The following CGN variants were observed in gnomAD, a reference collection of about 807,000 sequenced individuals.
CGN encodes the protein cingulin.
CGN carries 121 observed loss-of-function variants against 157.1 expected under a neutral mutation model. The observed-to-expected ratio is 0.77, with a 90% CI of 0.66 to 0.90. The LOEUF is 0.90. CGN is among the 40% of genes least tolerant of loss of function. CGN has a pLI of 0.00. For missense variants in CGN, 1,424 were observed against 1,520.9 expected (o/e 0.94, Z 1.06); for synonymous variants, 535 against 607.5 (o/e 0.88, Z 1.76).
rs764422171 is a variant in CGN, at chr1:151,530,012, G to A, written c.2210G>A (p.Arg737Gln). 17 of 1,614,166 alleles carry A rather than the reference G, an allele frequency of 1.1e-5. No individual in the cohort carries two copies. In the Admixed American group the frequency reaches 1.5e-4, roughly 14 times the overall value. Residue 737 changes from arginine (R) to glutamine (Q), a missense_variant, in exon 12 of 21, where the codon CGG becomes CAG. By Grantham distance (43) the Arg-to-Gln change is conservative (BLOSUM62 1). Transcript: ENST00000271636. The stretch of plus-strand genomic sequence containing the variant: ...CAGGAGGAAAATGACGAATTCCGCC[G>A]GCGCATCCTGGGTTTGGAGCAGCAG... ...ETQEENDEFRRRILGLEQQLK... is the reference protein window; with the variant it reads ...ETQEENDEFRQRILGLEQQLK...
chr1:151,513,138 G>C (rs1247041501), intron 1 of CGN, among the ~76,000 whole-genome samples: 3 of 152,190 alleles, frequency 2.0e-5, no homozygotes, highest in Non-Finnish European at 2.9e-5. Context: ...TCAGAGCTTT[G>C]GCTTTGCCAT....
chr1:151,517,508 G>GTTT (rs560006460), intron 1 of CGN, among the ~76,000 whole-genome samples: 1 of 130,750 alleles, frequency 7.6e-6, no homozygotes, highest in Non-Finnish European at 1.7e-5. Context: ...GGCACACAGT[G>GTTT]TTTTTTTTTT....
chr1:151,510,188 C>T (rs1371420210), upstream of CGN, among the ~76,000 whole-genome samples: 1 of 151,730 alleles, frequency 6.6e-6, no homozygotes, highest in African/African-American at 2.4e-5. Flanking sequence ...AGCTGAGGAG[C>T]TGGTAAGTGG....
chr1:151,517,505 A>G (rs1369524820), intron 1 of CGN, among the ~76,000 whole-genome samples: 4 of 146,296 alleles, frequency 2.7e-5, no homozygotes, highest in Admixed American at 2.0e-4. Context: ...GAAGGCACAC[A>G]GTGTTTTTTT....
At chr1:151,534,782 A>G (rs575818530) in intron 15 of CGN, 21 of 442,112 alleles carry the variant, frequency 4.7e-5, no homozygotes, top group African/African-American at 3.8e-4. Flanking sequence ...AGGTTTTCCA[A>G]TGAAGAGTAG....
At chr1:151,535,723 G>A (rs771692961) in intron 17 of CGN, 40 bp downstream of exon 17, 2 of 1,607,842 alleles carry the variant, frequency 1.2e-6, no homozygotes, top group Non-Finnish European at 8.5e-7. Context: ...TGGACCCCAG[G>A]AGGTGAGTAA....
chr1:151,520,837 C>T (rs1664529854), intron 5 of CGN, 146 bp downstream of exon 5: 1 of 695,400 alleles, frequency 1.4e-6, no homozygotes, highest in African/African-American at 1.8e-5. Flanking sequence ...GTACTAATTC[C>T]AGGAAGGACT....
intron 15 of CGN, chr1:151,534,823 C>T (rs1414715490): frequency 5.8e-6 from 3 of 515,456 alleles, no homozygotes; most frequent in African/African-American, 3.8e-5. Flanking sequence ...GTCAAAGGGC[C>T]GTCACCAGAG....
At position 151,524,320 on chromosome 1, in the gene CGN, G is replaced by T; in HGVS notation, c.1363G>T (p.Val455Phe). The T allele has an allele frequency of 6.2e-7, 1 of 1,614,152 alleles. No individual in the cohort carries two copies. The highest frequency in any genetic ancestry group is 8.5e-7 in the Non-Finnish European group (1 of 1,180,024). Residue 455 changes from valine (V) to phenylalanine (F), a missense_variant, in exon 7 of 21, where the codon GTC becomes TTC. This residue lies in a region of CGN where 1,187 missense variants were observed against 1,217.6 expected (regional missense o/e 0.97). Transcript: ENST00000271636. This position sits in a 1 kb window ranked among gnomAD's most constrained non-coding sequence, Gnocchi z 4.4. ...GGAGCTGCAGAACAAGCTGAAACAT[G>T]TCCAGGGTCCTGAGCCTGCTAAGGA... ...VMELQNKLKH[V>F]QGPEPAKEVL...
At chr1:151,535,728 G>A in intron 17 of CGN, 45 bp downstream of exon 17, 1 of 1,607,078 alleles carries the variant, frequency 6.2e-7, no homozygotes. Flanking sequence ...CCCAGGAGGT[G>A]AGTAAAATGG....
At position 151,536,915 on chromosome 1, in the gene CGN, T is replaced by C. The variant is rs376626087; in HGVS notation, c.3470+22T>C. 6 of 1,611,398 alleles carry C rather than the reference T, an allele frequency of 3.7e-6. No homozygotes were observed. In the African/African-American group the frequency reaches 8.0e-5, roughly 21 times the overall value. On this transcript the variant is annotated intron_variant, in intron 20 of 20. Coordinates refer to ENST00000271636, the MANE Select transcript of CGN (RefSeq NM_020770.3). ...CCTGGTATGGGCTACCCTTTTGCCC[T>C]TGCTCCATAGGGACACTAGAGCAGG...
rs141335271 is a variant in CGN, at chr1:151,536,278, G to A, written c.3239G>A (p.Arg1080Gln). 8.7e-6 allele frequency: 14 copies of A among 1,612,550 alleles called. No homozygotes were observed. Among genetic ancestry groups the A allele is most frequent in the South Asian group, 5.5e-5 (5 of 91,032 alleles). ...CAGTCTACCAATCGAAAACTGGAGC[G>A]GAAAGTTAAAGAACTATCCATCCAG... is the stretch of plus-strand genomic sequence containing the variant. ...VLQSTNRKLE[R>Q]KVKELSIQIE... is the part of the protein sequence containing the mutation. The change falls in exon 19 of 21, where the codon CGG (arginine) becomes CAG (glutamine). Residue 1080 changes from arginine (R) to glutamine (Q), a missense_variant. By Grantham distance (43) the Arg-to-Gln change is conservative. Around this residue, in one of 3 missense-constraint regions of CGN, gnomAD observed 199 missense variants for 272.2 expected, o/e 0.73. Transcript: ENST00000271636.
intron 10 of CGN, chr1:151,527,950 A>ATATATATTTTTTTTT (rs1162526104): frequency 2.5e-5 from 2 of 80,472 alleles, no homozygotes; most frequent in East Asian, 9.7e-4. Context: ...ATATATATAT[A>ATATATATTTTTTTTT]TTTTTTTTTT....
upstream of CGN, among the ~76,000 whole-genome samples, chr1:151,510,203 T>C (rs1664251593): frequency 6.6e-6 from 1 of 151,792 alleles, no homozygotes; most frequent in African/African-American, 2.4e-5. Flanking sequence ...AAGTGGACTT[T>C]ACTCTGTAGG....
intron 3 of CGN, 54 bp from the exon 4 acceptor site, chr1:151,520,360 T>C (rs1664513171): frequency 1.3e-6 from 2 of 1,573,244 alleles, no homozygotes. Flanking sequence ...CCTTTCCTGA[T>C]CTCTGCTACC....
chr1:151,524,558 G>A lies in CGN; in HGVS notation c.1402-116G>A, dbSNP rs757336062. ...CCTATCATTCTGGGCTCCAGTACTG[G>A]TACTAGAGCACCTGGTACTGTGCCT... On this transcript the variant is annotated intron_variant, in intron 7 of 20. Coordinates refer to ENST00000271636, the MANE Select transcript of CGN (RefSeq NM_020770.3). The surrounding 1 kb of genome is among the most constrained non-coding windows in gnomAD (Gnocchi z 4.4). The A allele has an allele frequency of 1.2e-4, 143 of 1,164,540 alleles. No individual in the cohort carries two copies. The highest frequency in any genetic ancestry group is 1.7e-4 in the Non-Finnish European group (139 of 815,724). 72.1% of individuals were successfully genotyped at this position (1,164,540 alleles called of 1,614,324 possible).
intron 5 of CGN, 78 bp downstream of exon 5, chr1:151,520,769 C>A: frequency 9.0e-7 from 1 of 1,112,798 alleles, no homozygotes; most frequent in Non-Finnish European, 1.3e-6. Context: ...GCTGAGCTGA[C>A]CCTTCTAAGC....
chr1:151,536,653 C>T, intron 19 of CGN, 77 bp from the exon 20 acceptor site: 1 of 1,477,446 alleles, frequency 6.8e-7, no homozygotes, highest in Non-Finnish European at 9.3e-7. Flanking sequence ...TATACCTTGT[C>T]AAGATTGTTA....
chr1:151,517,513 T>G (rs987242201), intron 1 of CGN, among the ~76,000 whole-genome samples: 32 of 151,622 alleles, frequency 2.1e-4, no homozygotes, highest in Non-Finnish European at 3.2e-4. Context: ...ACAGTGTTTT[T>G]TTTTTTTTTT....
Sources: gnomAD v4.1 joint callset for allele counts (sites outside exome capture counted in the v4.1 genomes callset) on GRCh38, gnomAD v4.1.1 for gene constraint, gnomAD v4.1.1 regional missense constraint, Gnocchi (gnomAD v3.1) non-coding constraint, MANE v1.5 for transcripts, NCBI Gene and HGNC (gene_info 2026-07-23, HGNC 2026-07-21) for gene names.